SLC9A3: variants seen among roughly 807,000 people sequenced by gnomAD.
SLC9A3 encodes the protein solute carrier family 9 member A3, also known as sodium/hydrogen exchanger 3.
SLC9A3 carries 37 observed loss-of-function variants against 86.8 expected under a neutral mutation model. That is an observed-to-expected ratio of 0.43 (90% CI 0.33 to 0.56). The LOEUF is 0.56. Among genes scored for constraint, SLC9A3 ranks in the 20% least tolerant of loss-of-function variants. The pLI is 0.06. For missense variants in SLC9A3, 1,011 were observed against 1,171.9 expected (o/e 0.86, Z 2.00); for synonymous variants, 581 against 528.3 (o/e 1.10, Z -1.37).
intron 1 of SLC9A3, among the ~76,000 whole-genome samples, chr5:500,357 G>A (rs2126638701): frequency 6.6e-6 from 1 of 152,368 alleles, no homozygotes; most frequent in Admixed American, 6.5e-5. Context: ...CACACGGCAT[G>A]CGACTGGCGT....
In SLC9A3 at chr5:510,673, C is replaced by T. The variant is rs989409196; in HGVS notation, c.211+13439G>A. 6.6e-5 allele frequency among the ~76,000 whole-genome samples: 10 copies of T among 152,318 alleles called. No individual in the cohort carries two copies. The South Asian group carries it at 8.3e-4, about 13-fold the overall frequency. Reference sequence around the variant, plus strand: ...CCCACAGGCTGGAACAGACTCAGCCCGGAAAGGCCCAGGCAGGCGGCCGTG... The same window carrying T: ...CCCACAGGCTGGAACAGACTCAGCCTGGAAAGGCCCAGGCAGGCGGCCGTG... On this transcript the variant is annotated intron_variant, in intron 1 of 16. Transcript: ENST00000264938.
chr5:495,191 G>T (rs1243167439), intron 1 of SLC9A3, among the ~76,000 whole-genome samples: 3 of 152,098 alleles, frequency 2.0e-5, no homozygotes, highest in Non-Finnish European at 4.4e-5. Flanking sequence ...CACTTGGCCC[G>T]GGGTCTTTTT....
intron 3 of SLC9A3, 32 bp from the exon 4 acceptor site, chr5:485,263 T>TAA: frequency 6.3e-7 from 1 of 1,583,974 alleles, no homozygotes; most frequent in Non-Finnish European, 8.7e-7. Context: ...CGTTGGGTGG[T>TAA]CCTTGGTTAG....
intron 1 of SLC9A3, among the ~76,000 whole-genome samples, chr5:499,064 C>T (rs1430800310): frequency 3.3e-5 from 5 of 152,330 alleles, no homozygotes; most frequent in Non-Finnish European, 5.9e-5. Context: ...GTCTCGTTCT[C>T]ATCTTCTCCT....
chr5:500,785 A>G (rs1268726576), intron 1 of SLC9A3, among the ~76,000 whole-genome samples: 6 of 66,270 alleles, frequency 9.1e-5, no homozygotes, highest in East Asian at 8.7e-4. Context: ...ACATGGGGTC[A>G]GTGTGGAAGG....
intron 1 of SLC9A3, among the ~76,000 whole-genome samples, chr5:506,877 C>A (rs1171716351): frequency 7.7e-6 from 1 of 129,296 alleles, no homozygotes; most frequent in African/African-American, 2.9e-5. Flanking sequence ...ACCAGCCTGG[C>A]CAATATGGAG....
At position 482,164 on chromosome 5, in the gene SLC9A3, G is replaced by A. The variant is rs762990506; in HGVS notation, c.1357-7C>T. The A allele has an allele frequency of 4.4e-6, 7 of 1,605,008 alleles. No homozygotes were observed. The highest frequency in any genetic ancestry group is 4.0e-5 in the African/African-American group (3 of 74,546). On this transcript the variant is annotated splice_polypyrimidine_tract_variant and splice_region_variant and intron_variant, in intron 7 of 16. Transcript: ENST00000264938. ...GAGGCTTGATGGTCAGGCCCTGGAGGACAGGGTCTCGTGACCCTGGTGCCA... is the reference window on the plus strand; with the variant it reads ...GAGGCTTGATGGTCAGGCCCTGGAGAACAGGGTCTCGTGACCCTGGTGCCA...
At chr5:492,355 TG>T (rs759006794) in intron 1 of SLC9A3, among the ~76,000 whole-genome samples, 15,504 of 54,962 alleles carry the variant, frequency 0.28, 2,205 homozygotes, top group Admixed American at 0.35. Flanking sequence ...GGGGAGCCCA[TG>T]GGGGAGGGGA....
rs1427684312 is a variant in SLC9A3, at chr5:487,566, A to G, written c.675+750T>C. On this transcript the variant is annotated intron_variant, in intron 3 of 16. Transcript: ENST00000264938. ...GACACCCACCACACTGACACCCACC[A>G]CACTGACACCCACCGTCGTTCAAGG... is the stretch of plus-strand genomic sequence containing the variant. Among the ~76,000 whole-genome samples, 57 of 145,802 alleles carry G rather than the reference A, an allele frequency of 3.9e-4. 13 individuals are homozygous for G. Among genetic ancestry groups the G allele is most frequent in the Non-Finnish European group, 7.2e-4 (48 of 66,560 alleles).
intron 3 of SLC9A3, among the ~76,000 whole-genome samples, 177 bp downstream of exon 3, chr5:488,139 G>A (rs146007000): frequency 9.8e-5 from 15 of 152,370 alleles, no homozygotes; most frequent in Non-Finnish European, 1.9e-4. Context: ...GAAGCCTCGC[G>A]AAAGCTGCCA....
Position 524,252 on chromosome 5 carries a change from CGCGCCAGCCCGCCCA to C in SLC9A3, c.56_70del (p.Leu19_Ala23del). On this transcript the variant is annotated inframe_deletion, in exon 1 of 17. Transcript: ENST00000264938. ...GGGCTCCACCTCGACGCCCCCGGCC[CGCGCCAGCCCGCCCA>C]GCGCCAGCGCCAGCAGCAGCCCCCG... The C allele has an allele frequency of 7.0e-7, 1 of 1,428,238 alleles. No homozygotes were observed. Among genetic ancestry groups the C allele is most frequent in the Non-Finnish European group, 9.2e-7 (1 of 1,086,416 alleles). The allele number at this position is 1,428,238 out of a possible 1,614,324, so 88.5% of individuals were successfully genotyped here. A position where few individuals can be genotyped will look rare whatever the true frequency, so the allele number is the denominator to read the frequency against.
At chr5:504,311 A>G (rs891813315) in intron 1 of SLC9A3, among the ~76,000 whole-genome samples, 10 of 152,060 alleles carry the variant, frequency 6.6e-5, no homozygotes, top group African/African-American at 2.2e-4. Flanking sequence ...CCCACCCAGG[A>G]GGTGTGACCT....
chr5:477,296 C>T, intron 11 of SLC9A3, 36 bp downstream of exon 11: 2 of 1,462,078 alleles, frequency 1.4e-6, no homozygotes, highest in Non-Finnish European at 1.9e-6. Flanking sequence ...AGGCTGGGCT[C>T]TTCCCCAGGG....
intron 1 of SLC9A3, among the ~76,000 whole-genome samples, chr5:520,819 C>G (rs1388854399): frequency 6.6e-6 from 1 of 152,112 alleles, no homozygotes; most frequent in Non-Finnish European, 1.5e-5. Flanking sequence ...CCCAGGGCCC[C>G]CACCCAGTGC....
chr5:496,539 G>A lies in SLC9A3; in HGVS notation c.212-4468C>T, dbSNP rs186942677. On this transcript the variant is annotated intron_variant, in intron 1 of 16. Coordinates refer to ENST00000264938, the MANE Select transcript of SLC9A3 (RefSeq NM_004174.4). The surrounding 1 kb of genome is among the most constrained non-coding windows in gnomAD (Gnocchi z 4.7). Reference sequence around the variant, plus strand: ...TCCAGCCTTTGCTTATGTCTTCAGCGGCAGGTAGATTTTCACTTTCAAAAA... The same window carrying A: ...TCCAGCCTTTGCTTATGTCTTCAGCAGCAGGTAGATTTTCACTTTCAAAAA... 1.3e-4 allele frequency among the ~76,000 whole-genome samples: 20 copies of A among 152,318 alleles called. No individual in the cohort carries two copies. Among genetic ancestry groups the A allele is most frequent in the Admixed American group, 7.2e-4 (11 of 15,300 alleles).
chr5:490,368 T>C (rs528742856), intron 2 of SLC9A3, among the ~76,000 whole-genome samples: 7 of 151,842 alleles, frequency 4.6e-5, no homozygotes, highest in Non-Finnish European at 8.8e-5. Context: ...AGGGGTGACG[T>C]CCTGGTGTGG....
intron 1 of SLC9A3, among the ~76,000 whole-genome samples, chr5:517,518 TCACTCATCCATCCATCAATC>T (rs1021563891): frequency 2.6e-4 from 39 of 147,652 alleles, no homozygotes; most frequent in Non-Finnish European, 3.9e-4. Flanking sequence ...AGCTATCCAT[TCACTCATCCATCCATCAATC>T]CACTCATCCA....
In SLC9A3 at chr5:519,692, G is replaced by A. The variant is rs544916340; in HGVS notation, c.211+4420C>T. Reference sequence around the variant, plus strand: ...CACCCAGTGCCTCAGATTTGGGGCCGGGAGCAGGGAACCTGGCGCTCAGGG... The same window carrying A: ...CACCCAGTGCCTCAGATTTGGGGCCAGGAGCAGGGAACCTGGCGCTCAGGG... On this transcript the variant is annotated intron_variant, in intron 1 of 16. Transcript: ENST00000264938. Among the ~76,000 whole-genome samples the A allele has an allele frequency of 2.0e-5, 3 of 152,242 alleles. 1 individual carries two copies. Among genetic ancestry groups the A allele is most frequent in the South Asian group, 4.2e-4 (2 of 4,810 alleles).
At chr5:478,792 C>T (rs545149384) in intron 10 of SLC9A3, 347 of 154,868 alleles carry the variant, frequency 2.2e-3, no homozygotes, top group African/African-American at 8.0e-3. Flanking sequence ...TGAGCTTTCT[C>T]TCGCTTGCCG....
Sources: allele counts gnomAD v4.1 joint callset (sites outside exome capture counted in the v4.1 genomes callset), GRCh38; gene constraint gnomAD v4.1.1; non-coding constraint Gnocchi (gnomAD v3.1); transcripts MANE v1.5; gene names NCBI Gene and HGNC (gene_info 2026-07-23, HGNC 2026-07-21).